MTA1: variants seen among roughly 807,000 people sequenced by gnomAD.
The protein encoded by MTA1 is metastasis associated 1.
Under a neutral mutation model 97.0 loss-of-function variants are expected in MTA1, and 15 were observed. That is an observed-to-expected ratio of 0.15 (90% CI 0.10 to 0.24). MTA1 has a LOEUF of 0.24. MTA1 is among the 10% of genes least tolerant of loss of function. MTA1 has a pLI of 1.00. For synonymous variants in MTA1, 435 were observed against 417.5 expected (o/e 1.04, Z -0.51); for missense variants, 709 against 1,015.1 (o/e 0.70, Z 4.10).
chr14:105,466,433 C>CCCCCCCCCCCCCCCA lies in MTA1; in HGVS notation c.1636_1637insCCCCCCCCCCACCCC (p.Pro545_Arg546insProProProProPro). The CCCCCCCCCCCCCCCA allele has an allele frequency of 9.7e-7, 1 of 1,031,928 alleles. No individual in the cohort carries two copies. Among genetic ancestry groups the CCCCCCCCCCCCCCCA allele is most frequent in the Non-Finnish European group, 1.4e-6 (1 of 693,480 alleles). The allele number at this position is 1,031,928 out of a possible 1,614,324, so 63.9% of individuals were successfully genotyped here. On this transcript the variant is annotated inframe_insertion, in exon 17 of 21. Coordinates refer to ENST00000331320, the MANE Select transcript of MTA1 (RefSeq NM_004689.4). ...CTGTGTCATTCCCGGCAGAGACCCA[C>CCCCCCCCCCCCCCCA]CCCCGCCCCCCCAAGCCTGACCCCG... is the stretch of plus-strand genomic sequence containing the variant.
intron 16 of MTA1, chr14:105,465,419 C>T (rs375757342): frequency 7.1e-5 from 26 of 366,048 alleles, no homozygotes; most frequent in Non-Finnish European, 1.2e-4. Context: ...GAGTAGCGGC[C>T]GCCCTGTCTT....
chr14:105,467,041 C>T (rs1190414752), intron 18 of MTA1: 21 of 526,872 alleles, frequency 4.0e-5, no homozygotes, highest in Middle Eastern at 5.1e-4. Context: ...TGTGACTGCC[C>T]GCATGCTGCC....
At chr14:105,451,334 G>A (rs1450685161) in intron 6 of MTA1, among the ~76,000 whole-genome samples, 5 of 152,342 alleles carry the variant, frequency 3.3e-5, no homozygotes, top group Non-Finnish European at 7.3e-5. Context: ...GGCTGTGGTC[G>A]TGCCTTAGCT....
intron 2 of MTA1, among the ~76,000 whole-genome samples, chr14:105,442,437 G>T (rs1355885218): frequency 6.6e-6 from 1 of 152,234 alleles, no homozygotes; most frequent in African/African-American, 2.4e-5. Flanking sequence ...GAGGGGCCTC[G>T]CAGGCGCCCT....
At position 105,470,164 on chromosome 14, in the gene MTA1, G is replaced by A; in HGVS notation, c.2097G>A (p.Arg699=). Residue 699 remains arginine, a synonymous_variant, in exon 21 of 21, where the codon CGG becomes CGA. Coordinates refer to ENST00000331320, the MANE Select transcript of MTA1 (RefSeq NM_004689.4). The part of the protein sequence containing the change: ...ALRQSQALPP[R]PPPPAPVNDE... ...GCCAGAGCCAGGCCCTGCCGCCGCG[G>A]CCACCGCCACCTGCGCCCGTCAACG... is the stretch of plus-strand genomic sequence containing the variant. 1 of 1,609,644 alleles carries A rather than the reference G, an allele frequency of 6.2e-7. No individual in the cohort carries two copies. Among genetic ancestry groups the A allele is most frequent in the Non-Finnish European group, 8.5e-7 (1 of 1,178,488 alleles).
At chr14:105,441,660 G>T (rs587618774) in intron 2 of MTA1, among the ~76,000 whole-genome samples, 5 of 152,198 alleles carry the variant, frequency 3.3e-5, no homozygotes, top group Admixed American at 6.5e-5. Flanking sequence ...CGGGCGTGGT[G>T]GCGGGCGCCT....
rs986610195 is a variant in MTA1, at chr14:105,424,350, T to C, written c.28+4287T>C. On this transcript the variant is annotated intron_variant, in intron 1 of 20. Transcript: ENST00000331320. This position sits in a 1 kb window ranked among gnomAD's most constrained non-coding sequence, Gnocchi z 4.0. The stretch of plus-strand genomic sequence containing the variant: ...CTGGGACTACAGGCGCCCGCCACCA[T>C]GCCTGGCTAATGTTTTGTAATTTTT... 1.4e-4 allele frequency among the ~76,000 whole-genome samples: 21 copies of C among 151,750 alleles called. No homozygotes were observed. Among genetic ancestry groups the C allele is most frequent in the African/African-American group, 4.4e-4 (18 of 41,368 alleles).
intron 1 of MTA1, among the ~76,000 whole-genome samples, chr14:105,433,284 G>T (rs1555423747): frequency 6.6e-6 from 1 of 152,150 alleles, no homozygotes; most frequent in Non-Finnish European, 1.5e-5. Flanking sequence ...AGCCTTGGTG[G>T]TCCAGGTGTT....
At chr14:105,468,576 A>G (rs2083694086) in intron 18 of MTA1, among the ~76,000 whole-genome samples, 1 of 152,216 alleles carries the variant, frequency 6.6e-6, no homozygotes, top group African/African-American at 2.4e-5. Flanking sequence ...AGGCAACTGC[A>G]GGTGGGGAGG....
At chr14:105,443,945 C>T (rs587711829) in intron 2 of MTA1, among the ~76,000 whole-genome samples, 7 of 151,302 alleles carry the variant, frequency 4.6e-5, no homozygotes, top group African/African-American at 1.2e-4. Flanking sequence ...AAAAATGAGC[C>T]GGTGTGGTGG....
At chr14:105,423,512 G>T (rs962902982) in intron 1 of MTA1, among the ~76,000 whole-genome samples, 2 of 152,044 alleles carry the variant, frequency 1.3e-5, no homozygotes, top group Admixed American at 6.6e-5. Context: ...CTCATGCCCG[G>T]CCTTTTTGTT....
intron 1 of MTA1, among the ~76,000 whole-genome samples, chr14:105,433,683 C>CA (rs1384594926): frequency 6.6e-6 from 1 of 152,176 alleles, no homozygotes; most frequent in African/African-American, 2.4e-5. Context: ...CACATGAACT[C>CA]ACTATAAGCC....
chr14:105,460,821 G>C lies in MTA1; in HGVS notation c.810G>C (p.Ser270=). The C allele has an allele frequency of 6.2e-7, 1 of 1,611,398 alleles. No homozygotes were observed. Among genetic ancestry groups the C allele is most frequent in the Non-Finnish European group, 8.5e-7 (1 of 1,179,022 alleles). The change falls in exon 10 of 21, where the codon TCG becomes TCC. Residue 270 remains serine (S), a synonymous_variant. Coordinates refer to ENST00000331320, the MANE Select transcript of MTA1 (RefSeq NM_004689.4). The part of the protein sequence containing the change: ...KNIYDISKAI[S]ALVPQGGPVL... ...TCTACGACATCTCCAAGGCCATCTC[G>C]GCGCTGGTGCCGCAGGGCGGGCCCG...
intron 2 of MTA1, among the ~76,000 whole-genome samples, chr14:105,445,042 C>T (rs1201598404): frequency 6.6e-6 from 1 of 152,202 alleles, no homozygotes; most frequent in African/African-American, 2.4e-5. Context: ...CTGTGCAGGT[C>T]ACCCCAGAGG....
intron 2 of MTA1, among the ~76,000 whole-genome samples, chr14:105,441,148 C>G (rs587776014): frequency 3.7e-4 from 57 of 152,342 alleles, no homozygotes; most frequent in African/African-American, 1.3e-3. Flanking sequence ...CTTCCCTGGG[C>G]TGGAGCAGTG....
chr14:105,467,467 T>C, intron 18 of MTA1: 1 of 455,962 alleles, frequency 2.2e-6, no homozygotes, highest in Non-Finnish European at 4.4e-6. Flanking sequence ...CCTGTCCCCT[T>C]GGGGCATTCT....
intron 8 of MTA1, 142 bp from the exon 9 acceptor site, chr14:105,460,216 G>C (rs587762344): frequency 2.0e-4 from 133 of 669,008 alleles, no homozygotes; most frequent in Non-Finnish European, 2.7e-4. Flanking sequence ...CATGGCCCCT[G>C]GTCCCTGGCA....
chr14:105,455,787 C>T (rs2083124240), intron 7 of MTA1, among the ~76,000 whole-genome samples: 1 of 152,210 alleles, frequency 6.6e-6, no homozygotes, highest in African/African-American at 2.4e-5. Flanking sequence ...CATCTGTGCT[C>T]TGGGAGGTGC....
intron 1 of MTA1, among the ~76,000 whole-genome samples, chr14:105,423,793 T>C (rs2081925754): frequency 6.6e-6 from 1 of 152,234 alleles, no homozygotes; most frequent in Non-Finnish European, 1.5e-5. Context: ...AAGTTTAAAC[T>C]TTATTGCTCT....
Sources: allele counts gnomAD v4.1 joint callset (sites outside exome capture counted in the v4.1 genomes callset), GRCh38; gene constraint gnomAD v4.1.1; non-coding constraint Gnocchi (gnomAD v3.1); transcripts MANE v1.5; gene names NCBI Gene and HGNC (gene_info 2026-07-23, HGNC 2026-07-21).